Variants in MACROH2A1 observed in about 807,000 individuals in gnomAD.
The protein encoded by MACROH2A1 is core histone macro-H2A.1.
Under a neutral mutation model 31.6 loss-of-function variants are expected in MACROH2A1, and 2 were observed. The ratio of observed to expected loss-of-function variants is 0.06; its 90% confidence interval spans 0.03 to 0.20. The LOEUF is 0.20. MACROH2A1 is among the 10% of genes least tolerant of loss of function. The pLI, the probability that MACROH2A1 is intolerant of heterozygous loss-of-function variation, is 1.00. For synonymous variants in MACROH2A1, 169 were observed against 189.6 expected (o/e 0.89, Z 0.89); for missense variants, 230 against 474.0 (o/e 0.49, Z 4.78).
At chr5:135,339,579 G>A (rs1759424088) in intron 8 of MACROH2A1, among the ~76,000 whole-genome samples, 1 of 152,208 alleles carries the variant, frequency 6.6e-6, no homozygotes, top group Non-Finnish European at 1.5e-5. Context: ...TTGACGGCTG[G>A]GGAGGAGTAG....
chr5:135,349,962 G>C (rs1232432067), intron 6 of MACROH2A1, among the ~76,000 whole-genome samples: 1 of 152,112 alleles, frequency 6.6e-6, no homozygotes, highest in Non-Finnish European at 1.5e-5. Context: ...GGTGACAGTA[G>C]GATTCCAGTT....
intron 2 of MACROH2A1, among the ~76,000 whole-genome samples, chr5:135,383,570 C>CA (rs1765941227): frequency 6.6e-6 from 1 of 152,140 alleles, no homozygotes; most frequent in Non-Finnish European, 1.5e-5. Flanking sequence ...CTGTAAGCCC[C>CA]TGGCTCCTTT....
chr5:135,368,329 AGCTCCTTGAG>A (rs1293141678), intron 4 of MACROH2A1, among the ~76,000 whole-genome samples: 7 of 152,248 alleles, frequency 4.6e-5, no homozygotes, highest in African/African-American at 1.2e-4. Context: ...ACCTGGTCAC[AGCTCCTTGAG>A]CCTGTCCTGG....
intron 2 of MACROH2A1, among the ~76,000 whole-genome samples, chr5:135,377,880 G>A (rs996713355): frequency 1.3e-4 from 20 of 152,150 alleles, no homozygotes; most frequent in Admixed American, 5.9e-4. Context: ...CTGAGCATGC[G>A]AAGACTTTCT....
At chr5:135,358,136 G>A (rs1407770054) in intron 5 of MACROH2A1, 8 of 984,710 alleles carry the variant, frequency 8.1e-6, no homozygotes, top group African/African-American at 1.7e-5. Flanking sequence ...TTAGTTTCAT[G>A]ATTTTTGCCT....
At chr5:135,366,159 C>T (rs2149827348) in intron 4 of MACROH2A1, among the ~76,000 whole-genome samples, 1 of 152,338 alleles carries the variant, frequency 6.6e-6, no homozygotes, top group Non-Finnish European at 1.5e-5. Context: ...CTTTCCCAGC[C>T]ATGTGGAACT....
At chr5:135,373,865 C>G (rs1377563828) in intron 2 of MACROH2A1, among the ~76,000 whole-genome samples, 1 of 152,212 alleles carries the variant, frequency 6.6e-6, no homozygotes, top group African/African-American at 2.4e-5. Flanking sequence ...AAGAGGGGCA[C>G]AGATCCACCT....
intron 2 of MACROH2A1, among the ~76,000 whole-genome samples, chr5:135,374,672 G>A (rs979377369): frequency 1.3e-5 from 2 of 151,988 alleles, no homozygotes; most frequent in South Asian, 2.1e-4. Context: ...GTGAGTCTCT[G>A]TTTTGTCTGT....
At chr5:135,378,244 G>A (rs905252488) in intron 2 of MACROH2A1, among the ~76,000 whole-genome samples, 3 of 152,200 alleles carry the variant, frequency 2.0e-5, no homozygotes, top group Admixed American at 6.5e-5. Flanking sequence ...CCAGTACCTC[G>A]CTTGCTCTGC....
chr5:135,355,004 C>T (rs764743692), intron 5 of MACROH2A1: 2 of 449,486 alleles, frequency 4.4e-6, no homozygotes, highest in Middle Eastern at 3.3e-4. Flanking sequence ...TAAAACAATA[C>T]ATGTTCAATC....
At chr5:135,351,053 G>C (rs1761472707) in intron 6 of MACROH2A1, 2 of 622,050 alleles carry the variant, frequency 3.2e-6, no homozygotes, top group Admixed American at 2.3e-5. Flanking sequence ...AGTCCACGCA[G>C]TGTGCGCACA....
At chr5:135,399,667 T>A (rs1469029142), upstream of MACROH2A1, 2 of 151,970 alleles carry the variant, frequency 1.3e-5, no homozygotes, top group African/African-American at 2.4e-5. The surrounding 1 kb of genome is among the most constrained non-coding windows in gnomAD (Gnocchi z 4.5). Flanking sequence ...AACTCCCCCC[T>A]GCCCCGCCTC....
intron 7 of MACROH2A1, 49 bp from the exon 8 acceptor site, chr5:135,343,483 A>G: frequency 6.2e-7 from 1 of 1,605,388 alleles, no homozygotes; most frequent in Non-Finnish European, 8.5e-7. Context: ...GTTCACTGCA[A>G]AGCACAAGAT....
At position 135,335,004 on chromosome 5, in the gene MACROH2A1, T is replaced by C. The variant is rs761762023; in HGVS notation, c.1091A>G (p.Gln364Arg). 16 of 1,613,962 alleles carry C rather than the reference T, an allele frequency of 9.9e-6. No individual in the cohort carries two copies. Among genetic ancestry groups the C allele is most frequent in the Non-Finnish European group, 1.2e-5 (14 of 1,179,920 alleles). Residue 364 changes from glutamine (Q) to arginine (R), a missense_variant, in exon 9 of 9, where the codon CAG (glutamine) becomes CGG (arginine). Transcript: ENST00000511689. Reference protein sequence around the residue: ...FDSESIGIYVQEMAKLDAN With the variant: ...FDSESIGIYVREMAKLDAN The stretch of plus-strand genomic sequence containing the variant: ...GTTGGCGTCCAGCTTGGCCATTTCC[T>C]GCACATAGATGCCTATACTCTCGCT...
intron 2 of MACROH2A1, among the ~76,000 whole-genome samples, chr5:135,374,317 G>T (rs953717828): frequency 6.6e-6 from 1 of 152,194 alleles, no homozygotes; most frequent in Non-Finnish European, 1.5e-5. Flanking sequence ...TCCTATTCAG[G>T]GGGGAGCGGA....
chr5:135,358,660 G>C (rs1428320605), intron 5 of MACROH2A1: 1 of 960,510 alleles, frequency 1.0e-6, no homozygotes, highest in Admixed American at 6.2e-5. Context: ...GTTAAGCTAA[G>C]TTCACTGCTT....
intron 8 of MACROH2A1, 115 bp from the exon 9 acceptor site, chr5:135,335,256 G>A: frequency 5.4e-6 from 4 of 744,476 alleles, no homozygotes; most frequent in Non-Finnish European, 9.1e-6. Flanking sequence ...TTGGGTCGGT[G>A]TCTGTTGAGC....
chr5:135,341,315 C>CCAGA (rs1487519007), intron 8 of MACROH2A1, among the ~76,000 whole-genome samples: 10 of 151,906 alleles, frequency 6.6e-5, no homozygotes, highest in Non-Finnish European at 2.9e-5. Context: ...AACCCCAGGA[C>CCAGA]CAGACAGCCC....
At chr5:135,358,235 T>C in intron 5 of MACROH2A1, 1 of 985,364 alleles carries the variant, frequency 1.0e-6, no homozygotes, top group Non-Finnish European at 1.2e-6. Context: ...CTCTAATGTA[T>C]CAATGCTCAC....
Sources: gnomAD v4.1 joint callset for allele counts (sites outside exome capture counted in the v4.1 genomes callset) on GRCh38, gnomAD v4.1.1 for gene constraint, Gnocchi (gnomAD v3.1) non-coding constraint, MANE v1.5 for transcripts, NCBI Gene and HGNC (gene_info 2026-07-23, HGNC 2026-07-21) for gene names.